Variants in SMG6 observed in about 807,000 individuals in gnomAD.
SMG6 encodes telomerase-binding protein EST1A.
A neutral mutation model predicts 142.2 loss-of-function variants in SMG6; 66 were observed. That is an observed-to-expected ratio of 0.46 (90% CI 0.38 to 0.57). The LOEUF is 0.57. Ranked by LOEUF, SMG6 falls within the 20% of genes least tolerant of loss-of-function variation. The pLI is 0.00. For missense variants in SMG6, 1,793 were observed against 1,832.0 expected (o/e 0.98, Z 0.39); for synonymous variants, 779 against 702.4 (o/e 1.11, Z -1.72).
At chr17:2,263,984 G>T (rs915700799) in intron 8 of SMG6, among the ~76,000 whole-genome samples, 1 of 152,054 alleles carries the variant, frequency 6.6e-6, no homozygotes, top group Non-Finnish European at 1.5e-5. Flanking sequence ...AATATAGGAA[G>T]TTGGTGAGAA....
At chr17:2,234,979 A>G (rs913340341) in intron 10 of SMG6, among the ~76,000 whole-genome samples, 19 of 152,344 alleles carry the variant, frequency 1.2e-4, no homozygotes, top group African/African-American at 4.6e-4. Context: ...TGTGACAGGT[A>G]GCTCACTGAA....
intron 13 of SMG6, among the ~76,000 whole-genome samples, chr17:2,156,011 G>C (rs1354109611): frequency 1.3e-5 from 2 of 150,928 alleles, no homozygotes; most frequent in African/African-American, 4.9e-5. Context: ...AAACTGAGCT[G>C]AGCTGCTCTT....
chr17:2,278,173 A>T (rs1042703381), intron 8 of SMG6, among the ~76,000 whole-genome samples: 2 of 152,122 alleles, frequency 1.3e-5, no homozygotes, highest in Admixed American at 1.3e-4. Context: ...CTCCGAAGGA[A>T]AGAATACAAG....
chr17:2,143,350 T>C (rs891998938), intron 13 of SMG6, among the ~76,000 whole-genome samples: 4 of 152,182 alleles, frequency 2.6e-5, no homozygotes, highest in Non-Finnish European at 5.9e-5. Flanking sequence ...AACTGATGAA[T>C]GGATAAACAA....
rs777014566 is a variant in SMG6, at chr17:2,071,629, C to T, written c.3682-2698G>A. Among the ~76,000 whole-genome samples the T allele has an allele frequency of 1.3e-5, 2 of 152,202 alleles. No individual in the cohort carries two copies. Among genetic ancestry groups the T allele is most frequent in the Admixed American group, 6.5e-5 (1 of 15,288 alleles). On this transcript the variant is annotated intron_variant, in intron 15 of 18. Coordinates refer to ENST00000263073, the MANE Select transcript of SMG6 (RefSeq NM_017575.5). The surrounding 1 kb of genome is among the most constrained non-coding windows in gnomAD (Gnocchi z 5.6). ...GACAACTTCCCTTAACCTGGCTCTG[C>T]CCAGTGAGTCACCAAACAACTGCTT...
chr17:2,109,617 A>G (rs186752243), intron 13 of SMG6, among the ~76,000 whole-genome samples: 40 of 152,314 alleles, frequency 2.6e-4, no homozygotes, highest in Middle Eastern at 3.4e-3. Flanking sequence ...ATAGGATTAG[A>G]GACAGGAATC....
chr17:2,245,566 GAA>G (rs2073911195), intron 8 of SMG6, among the ~76,000 whole-genome samples: 1 of 152,176 alleles, frequency 6.6e-6, no homozygotes, highest in Non-Finnish European at 1.5e-5. Context: ...TGTATTTTTA[GAA>G]GAGACGGGGT....
At chr17:2,107,529 C>T (rs561551004) in intron 13 of SMG6, among the ~76,000 whole-genome samples, 18 of 152,210 alleles carry the variant, frequency 1.2e-4, no homozygotes, top group Non-Finnish European at 2.4e-4. Flanking sequence ...GCCAGCCTTT[C>T]TGCTCACTGT....
At chr17:2,126,430 G>GA (rs1265870228) in intron 13 of SMG6, among the ~76,000 whole-genome samples, 2 of 151,968 alleles carry the variant, frequency 1.3e-5, no homozygotes, top group Non-Finnish European at 2.9e-5. Context: ...GGAAACAAAA[G>GA]AAAAAAATAA....
In SMG6 at chr17:2,274,455, T is replaced by C. The variant is rs138284914; in HGVS notation, c.2661+8192A>G. ...AAAGACATTATGCAAATAAATAAAATAGATAATGATATGTAACAGAAGGAA... is the reference window on the plus strand; with the variant it reads ...AAAGACATTATGCAAATAAATAAAACAGATAATGATATGTAACAGAAGGAA... On this transcript the variant is annotated intron_variant, in intron 8 of 18. Coordinates refer to ENST00000263073, the MANE Select transcript of SMG6 (RefSeq NM_017575.5). 2.0e-5 allele frequency among the ~76,000 whole-genome samples: 3 copies of C among 151,788 alleles called. No individual in the cohort carries two copies. In the East Asian group the frequency reaches 5.8e-4, roughly 29 times the overall value.
chr17:2,271,342 C>T (rs1425792488), intron 8 of SMG6, among the ~76,000 whole-genome samples: 1 of 151,686 alleles, frequency 6.6e-6, no homozygotes, highest in Non-Finnish European at 1.5e-5. Flanking sequence ...CTGCCTGCCT[C>T]AGACTCCCAA....
chr17:2,242,033 G>A (rs938094705), intron 9 of SMG6, among the ~76,000 whole-genome samples: 6 of 152,074 alleles, frequency 3.9e-5, no homozygotes, highest in South Asian at 2.1e-4. Context: ...ATCCTACAAC[G>A]CACAGGACAG....
chr17:2,178,414 C>T (rs571434318), intron 12 of SMG6, among the ~76,000 whole-genome samples: 113 of 152,076 alleles, frequency 7.4e-4, no homozygotes, highest in Non-Finnish European at 1.2e-3. Flanking sequence ...GAAGGTAATC[C>T]CTTCTATCTT....
chr17:2,091,852 G>C (rs1298077195), intron 13 of SMG6, among the ~76,000 whole-genome samples: 2 of 150,366 alleles, frequency 1.3e-5, no homozygotes, highest in Non-Finnish European at 3.0e-5. Context: ...GTGTGTGTGT[G>C]TGTTTTTTTT....
chr17:2,269,572 TA>T (rs1238391587), intron 8 of SMG6, among the ~76,000 whole-genome samples: 35 of 152,236 alleles, frequency 2.3e-4, no homozygotes, highest in Non-Finnish European at 2.9e-5. Flanking sequence ...GCTCCTTTGC[TA>T]ACCAACTTTC....
rs747109197 is a variant in SMG6 at position 2,186,668 on chromosome 17, G to C, written c.3150C>G (p.Pro1050=). 8.7e-6 allele frequency: 14 copies of C among 1,614,202 alleles called. No homozygotes were observed. The Middle Eastern group carries it at 4.9e-4, about 57-fold the overall frequency. ...CAATGGGCAGGTCAACTCACTGCGA[G>C]GGCAGATCCAGGGATGTGGGAGGAG... ...WNPPPTSLDL[P]SHVAVDVWST... The change falls in exon 12 of 19, where the codon CCC becomes CCG. Residue 1050 remains proline (P), a synonymous_variant. Transcript: ENST00000263073.
chr17:2,270,569 C>T (rs2074523182), intron 8 of SMG6, among the ~76,000 whole-genome samples: 1 of 152,170 alleles, frequency 6.6e-6, no homozygotes, highest in South Asian at 2.1e-4. Context: ...GATCATGCTG[C>T]TGCACTCCAG....
chr17:2,134,419 C>CAA (rs58429166), intron 13 of SMG6, among the ~76,000 whole-genome samples: 2,347 of 28,688 alleles, frequency 0.082, 836 homozygotes, highest in East Asian at 0.14. Flanking sequence ...GACTCCATCT[C>CAA]AAAAAAAAAA....
chr17:2,237,648 C>T (rs1407755872), intron 9 of SMG6: 17 of 774,162 alleles, frequency 2.2e-5, no homozygotes, highest in East Asian at 2.6e-4. Context: ...GAGGCTGTAA[C>T]GCAGGGAGGC....
Sources: allele counts gnomAD v4.1 joint callset (sites outside exome capture counted in the v4.1 genomes callset), GRCh38; gene constraint gnomAD v4.1.1; non-coding constraint Gnocchi (gnomAD v3.1); transcripts MANE v1.5; gene names NCBI Gene and HGNC (gene_info 2026-07-23, HGNC 2026-07-21).